The following CPSF2 variants were observed in gnomAD, a reference collection of about 807,000 sequenced individuals.
CPSF2 encodes cleavage and polyadenylation specific factor 2, also known as cleavage and polyadenylation specificity factor subunit 2.
Under a neutral mutation model 84.2 loss-of-function variants are expected in CPSF2, and 51 were observed. That is an observed-to-expected ratio of 0.61 (90% CI 0.48 to 0.77). The LOEUF (loss-of-function observed/expected upper bound fraction) is 0.77, where lower values mean the gene tolerates loss of function less well. Among genes scored for constraint, CPSF2 ranks in the 30% least tolerant of loss-of-function variants. The pLI is 0.00. For synonymous variants in CPSF2, 286 were observed against 311.9 expected (o/e 0.92, Z 0.87); for missense variants, 641 against 929.4 (o/e 0.69, Z 4.03).
At chr14:92,132,106 CCTT>C (rs1409150966) in intron 3 of CPSF2, among the ~76,000 whole-genome samples, 2 of 152,020 alleles carry the variant, frequency 1.3e-5, no homozygotes, top group Non-Finnish European at 2.9e-5. Flanking sequence ...AATATCCTCT[CCTT>C]AATAATTTCT....
chr14:92,133,738 T>C (rs1179613207), intron 3 of CPSF2, among the ~76,000 whole-genome samples: 1 of 152,134 alleles, frequency 6.6e-6, no homozygotes, highest in Non-Finnish European at 1.5e-5. Flanking sequence ...AGTGCTGGGA[T>C]TACAGGTGTG....
intron 12 of CPSF2, 108 bp downstream of exon 12, chr14:92,156,739 A>G: frequency 1.4e-6 from 1 of 735,928 alleles, no homozygotes; most frequent in East Asian, 3.0e-5. Context: ...ATTCTTTAGT[A>G]AGTTTGTGCT....
At chr14:92,123,699 A>G (rs559841683) in intron 1 of CPSF2, among the ~76,000 whole-genome samples, 24 of 152,328 alleles carry the variant, frequency 1.6e-4, no homozygotes, top group African/African-American at 5.5e-4. Flanking sequence ...GCGCCCGGCA[A>G]CATGCACGAT....
chr14:92,152,210 A>G lies in CPSF2; in HGVS notation c.1141-2148A>G, dbSNP rs943722561. On this transcript the variant is annotated intron_variant, in intron 9 of 15. Transcript: ENST00000298875. ...AATGGTGCCATCTCGGCTCACTGCA[A>G]CCTCCGCCTCCCAGGTTCAAGTGAT... Among the ~76,000 whole-genome samples the G allele has an allele frequency of 5.3e-5, 8 of 151,674 alleles. No individual in the cohort carries two copies. In the South Asian group the frequency reaches 8.3e-4, roughly 16 times the overall value.
Position 92,142,996 on chromosome 14 carries a change from C to T in CPSF2, c.850-8C>T. 1.3e-6 allele frequency: 2 copies of T among 1,589,120 alleles called. No homozygotes were observed. ...TTCTAATTCTTGTCATCTTTCCCCC[C>T]ATGTTAGGTAGAATGGATGAGTGAT... On this transcript the variant is annotated splice_region_variant and splice_polypyrimidine_tract_variant and intron_variant, in intron 8 of 15. Transcript: ENST00000298875.
intron 2 of CPSF2, among the ~76,000 whole-genome samples, chr14:92,127,192 T>TA (rs1448894817): frequency 2.0e-5 from 3 of 152,052 alleles, no homozygotes; most frequent in African/African-American, 4.8e-5. Flanking sequence ...AGCAAGTAAA[T>TA]AAATAAGTAG....
chr14:92,161,333 T>G, intron 15 of CPSF2, 87 bp downstream of exon 15: 1 of 1,423,632 alleles, frequency 7.0e-7, no homozygotes, highest in Non-Finnish European at 9.4e-7. Flanking sequence ...GTTTGGTATT[T>G]TCACAAAACT....
rs2069379675 is a variant in CPSF2 at position 92,161,952 on chromosome 14, G to A, written c.*208G>A. ...ATCTTTTGGCTTTCAGAGTGATAGA[G>A]CTCCTAACAGGTGTACAGGCCCAAG... is the stretch of plus-strand genomic sequence containing the variant. On this transcript the variant is annotated 3_prime_UTR_variant, in exon 16 of 16. Coordinates refer to ENST00000298875, the MANE Select transcript of CPSF2 (RefSeq NM_017437.3). 1 of 427,296 alleles carries A rather than the reference G, an allele frequency of 2.3e-6. No homozygotes were observed. 26.5% of individuals were successfully genotyped at this position (427,296 alleles called of 1,614,324 possible). A position where few individuals can be genotyped will look rare whatever the true frequency, so the allele number is the denominator to read the frequency against.
intron 9 of CPSF2, among the ~76,000 whole-genome samples, chr14:92,152,290 C>T (rs1026984341): frequency 3.3e-5 from 5 of 149,910 alleles, no homozygotes; most frequent in Non-Finnish European, 5.9e-5. Flanking sequence ...CCATCACGCC[C>T]GGCTAATTTT....
In CPSF2 at chr14:92,166,271, A is replaced by C. The variant is rs1180454819; in HGVS notation, c.*4527A>C. The stretch of plus-strand genomic sequence containing the variant: ...TTCATCTAAAGTCATGAAGATTTAC[A>C]CTCTTTTTTTTTCTAACAGTTTTAC... On this transcript the variant is annotated 3_prime_UTR_variant, in exon 16 of 16. Coordinates refer to ENST00000298875, the MANE Select transcript of CPSF2 (RefSeq NM_017437.3). 6.6e-5 allele frequency: 10 copies of C among 150,670 alleles called. No homozygotes were observed. Among genetic ancestry groups the C allele is most frequent in the Non-Finnish European group, 1.3e-4 (9 of 67,670 alleles). 9.3% of individuals were successfully genotyped at this position (150,670 alleles called of 1,614,324 possible). A position where few individuals can be genotyped will look rare whatever the true frequency, so the allele number is the denominator to read the frequency against.
In CPSF2 at chr14:92,164,777, A is replaced by G. The variant is rs2069421719; in HGVS notation, c.*3033A>G. 2 of 152,244 alleles carry G rather than the reference A, an allele frequency of 1.3e-5. No individual in the cohort carries two copies. Among genetic ancestry groups the G allele is most frequent in the Non-Finnish European group, 1.5e-5 (1 of 68,040 alleles). 9.4% of individuals were successfully genotyped at this position (152,244 alleles called of 1,614,324 possible). On this transcript the variant is annotated 3_prime_UTR_variant, in exon 16 of 16. Coordinates refer to ENST00000298875, the MANE Select transcript of CPSF2 (RefSeq NM_017437.3). ...CATTTGGCTTTTTTAAAAAATTGAGATTCAACTTACATACCATAAAGTTCA... is the reference window on the plus strand; with the variant it reads ...CATTTGGCTTTTTTAAAAAATTGAGGTTCAACTTACATACCATAAAGTTCA...
chr14:92,137,114 A>T (rs535712717), intron 6 of CPSF2, among the ~76,000 whole-genome samples: 2 of 152,156 alleles, frequency 1.3e-5, no homozygotes, highest in Non-Finnish European at 2.9e-5. Context: ...ATTAATAAAA[A>T]TATACCAGTT....
intron 1 of CPSF2, among the ~76,000 whole-genome samples, chr14:92,124,084 GA>G (rs1236961066): frequency 6.6e-6 from 1 of 152,212 alleles, no homozygotes; most frequent in African/African-American, 2.4e-5. Context: ...AGAGCTTTGA[GA>G]AGCTTTAGCA....
intron 3 of CPSF2, among the ~76,000 whole-genome samples, chr14:92,132,242 C>T (rs1057003680): frequency 1.3e-5 from 2 of 151,836 alleles, no homozygotes; most frequent in Admixed American, 6.6e-5. Flanking sequence ...TCAAGTTATT[C>T]TCCTTCCTCA....
At chr14:92,153,127 A>G (rs969264337) in intron 9 of CPSF2, among the ~76,000 whole-genome samples, 2 of 122,680 alleles carry the variant, frequency 1.6e-5, no homozygotes, top group Non-Finnish European at 3.5e-5. Flanking sequence ...TCCAACAGAT[A>G]ATGGAAGAAG....
intron 3 of CPSF2, among the ~76,000 whole-genome samples, chr14:92,133,419 TA>T (rs953146049): frequency 8.1e-5 from 12 of 148,098 alleles, no homozygotes; most frequent in Admixed American, 7.4e-4. Flanking sequence ...AAACTCCATC[TA>T]AAAAAAGAAA....
Position 92,154,951 on chromosome 14 carries a change from T to C in CPSF2, c.1242-172T>C, listed in dbSNP as rs114732150. Among the ~76,000 whole-genome samples, 615 of 152,342 alleles carry C rather than the reference T, an allele frequency of 4.0e-3. 4 individuals carry two copies. The highest frequency in any genetic ancestry group is 0.014 in the African/African-American group (593 of 41,578). ...AAACATAGAAAAGGTACAGTAATCT[T>C]ATGGGACCTCTGTTGTATATGTGGT... On this transcript the variant is annotated intron_variant, in intron 10 of 15. Coordinates refer to ENST00000298875, the MANE Select transcript of CPSF2 (RefSeq NM_017437.3).
At chr14:92,124,822 A>G (rs1295789596) in intron 1 of CPSF2, among the ~76,000 whole-genome samples, 2 of 152,240 alleles carry the variant, frequency 1.3e-5, no homozygotes, top group Admixed American at 1.3e-4. Flanking sequence ...GGGTTAAATA[A>G]AATTCATTAA....
chr14:92,132,307 G>T (rs1444384721), intron 3 of CPSF2, among the ~76,000 whole-genome samples: 1 of 151,566 alleles, frequency 6.6e-6, no homozygotes, highest in Non-Finnish European at 1.5e-5. Context: ...CTAAGTTTTT[G>T]TATTTTTAGT....
Sources: gnomAD v4.1 joint callset for allele counts (sites outside exome capture counted in the v4.1 genomes callset) on GRCh38, gnomAD v4.1.1 for gene constraint, MANE v1.5 for transcripts, NCBI Gene and HGNC (gene_info 2026-07-23, HGNC 2026-07-21) for gene names.